Variants in DPYD observed in about 807,000 individuals in gnomAD.
DPYD encodes dihydropyrimidine dehydrogenase [NADP(+)].
Under a neutral mutation model 116.2 loss-of-function variants are expected in DPYD, and 109 were observed. That is an observed-to-expected ratio of 0.94 (90% confidence interval 0.80 to 1.10). DPYD has a LOEUF of 1.10. Among genes scored for constraint, DPYD ranks in the 50% least tolerant of loss-of-function variants. The pLI is 0.00. For missense variants in DPYD, 1,302 were observed against 1,254.5 expected (o/e 1.04, Z -0.57); for synonymous variants, 440 against 432.0 (o/e 1.02, Z -0.23).
At chr1:97,313,011 C>T (rs1017364424) in intron 16 of DPYD, among the ~76,000 whole-genome samples, 3 of 151,904 alleles carry the variant, frequency 2.0e-5, no homozygotes, top group African/African-American at 7.2e-5. Flanking sequence ...TGAGGCACTA[C>T]AAATTTTCCG....
In DPYD at chr1:97,401,812, A is replaced by T. The variant is rs1673394160; in HGVS notation, c.1906-19351T>A. 2.6e-5 allele frequency among the ~76,000 whole-genome samples: 4 copies of T among 152,232 alleles called. No individual in the cohort carries two copies. In the Middle Eastern group the frequency reaches 0.01, roughly 388 times the overall value. On this transcript the variant is annotated intron_variant, in intron 14 of 22. Coordinates refer to ENST00000370192, the MANE Select transcript of DPYD (RefSeq NM_000110.4). ...ATCCATTTAGAGTTAATTTTGGTGA[A>T]GGGTGTGTCTAGATTAATTTTTTGT...
intron 14 of DPYD, among the ~76,000 whole-genome samples, chr1:97,419,095 C>A (rs191170821): frequency 4.3e-4 from 65 of 152,232 alleles, no homozygotes; most frequent in Admixed American, 2.0e-3. Context: ...TCCTAGACAA[C>A]CCAATGGATA....
intron 2 of DPYD, among the ~76,000 whole-genome samples, chr1:97,881,061 A>C (rs1672192574): frequency 6.6e-6 from 1 of 151,990 alleles, no homozygotes; most frequent in Non-Finnish European, 1.5e-5. Flanking sequence ...TTAGAAAATA[A>C]ATTACTGGTG....
intron 16 of DPYD, among the ~76,000 whole-genome samples, chr1:97,326,973 A>G (rs1029133983): frequency 3.3e-5 from 5 of 152,084 alleles, no homozygotes; most frequent in African/African-American, 1.2e-4. Flanking sequence ...AAAGATAAAG[A>G]GATTATAAGA....
At chr1:97,283,707 C>T (rs1359085835) in intron 18 of DPYD, among the ~76,000 whole-genome samples, 2 of 152,228 alleles carry the variant, frequency 1.3e-5, no homozygotes, top group East Asian at 1.9e-4. Context: ...AAAGCTGCTT[C>T]TCTATGCTGA....
intron 18 of DPYD, among the ~76,000 whole-genome samples, chr1:97,286,752 C>A (rs925216811): frequency 6.6e-5 from 10 of 152,224 alleles, no homozygotes; most frequent in African/African-American, 1.7e-4. Flanking sequence ...AGTTCTCGAG[C>A]CTTGGCTCTC....
At chr1:97,498,986 T>C (rs1279409897) in intron 13 of DPYD, among the ~76,000 whole-genome samples, 1 of 151,668 alleles carries the variant, frequency 6.6e-6, no homozygotes, top group Non-Finnish European at 1.5e-5. Flanking sequence ...TAGATCTACT[T>C]GGTATTTCTT....
chr1:97,102,500 T>A (rs1376650816), intron 20 of DPYD, among the ~76,000 whole-genome samples: 2 of 27,890 alleles, frequency 7.2e-5, no homozygotes, highest in Non-Finnish European at 1.2e-4. Flanking sequence ...TCTATCTCCT[T>A]TATACCTATT....
intron 1 of DPYD, among the ~76,000 whole-genome samples, chr1:97,905,828 T>C (rs1244771789): frequency 6.6e-6 from 1 of 152,106 alleles, no homozygotes; most frequent in Non-Finnish European, 1.5e-5. Context: ...CTATGATTCC[T>C]AATTTTCATG....
chr1:97,173,525 C>T (rs1570602661), intron 20 of DPYD, among the ~76,000 whole-genome samples: 2 of 149,186 alleles, frequency 1.3e-5, no homozygotes, highest in South Asian at 2.1e-4. Context: ...AAGGTATATA[C>T]AATTATGTGA....
At chr1:97,166,537 A>G (rs1425291637) in intron 20 of DPYD, among the ~76,000 whole-genome samples, 2 of 152,176 alleles carry the variant, frequency 1.3e-5, no homozygotes, top group African/African-American at 4.8e-5. Flanking sequence ...CTATATGACA[A>G]ACCTGCACAT....
chr1:97,806,933 A>C (rs934619058), intron 3 of DPYD, among the ~76,000 whole-genome samples: 1 of 151,832 alleles, frequency 6.6e-6, no homozygotes, highest in Non-Finnish European at 1.5e-5. Flanking sequence ...TTTCAGATTG[A>C]TTTCTTTCAT....
chr1:97,345,631 A>T (rs1669803071), intron 16 of DPYD, among the ~76,000 whole-genome samples: 1 of 151,942 alleles, frequency 6.6e-6, no homozygotes, highest in South Asian at 2.1e-4. Context: ...CAGCAGGAAG[A>T]AAAGTGATGG....
intron 16 of DPYD, among the ~76,000 whole-genome samples, chr1:97,340,132 C>G (rs1037618701): frequency 1.7e-4 from 26 of 150,752 alleles, no homozygotes; most frequent in Admixed American, 1.6e-3. Context: ...ACAGTAAACA[C>G]AAAATATTAT....
rs564007452 is a variant in DPYD at position 97,266,702 on chromosome 1, CCA to C, written c.2300-31710_2300-31709del. ...CCTGCCCCCCACCTCATGACAGGCCCCAGTGTCTGATGTTCTCTGCCCTGTGT... is the reference window on the plus strand; with the variant it reads ...CCTGCCCCCCACCTCATGACAGGCCCGTGTCTGATGTTCTCTGCCCTGTGT... On this transcript the variant is annotated intron_variant, in intron 18 of 22. Transcript: ENST00000370192. Among the ~76,000 whole-genome samples the C allele has an allele frequency of 1.3e-3, 200 of 152,116 alleles. 1 individual carries two copies. The highest frequency in any genetic ancestry group is 4.7e-3 in the African/African-American group (195 of 41,496).
intron 3 of DPYD, among the ~76,000 whole-genome samples, chr1:97,783,370 A>T (rs1465703839): frequency 2.6e-5 from 4 of 151,918 alleles, no homozygotes; most frequent in Admixed American, 1.3e-4. Flanking sequence ...CAGCTTTGTT[A>T]TTTTATTTTA....
chr1:97,552,456 A>G (rs1651395034), intron 11 of DPYD, among the ~76,000 whole-genome samples: 1 of 152,068 alleles, frequency 6.6e-6, no homozygotes, highest in Admixed American at 6.6e-5. Flanking sequence ...TATGTTTCTT[A>G]AAATATTTAG....
intron 15 of DPYD, among the ~76,000 whole-genome samples, chr1:97,375,888 T>C (rs1327598910): frequency 6.6e-6 from 1 of 152,234 alleles, no homozygotes; most frequent in Non-Finnish European, 1.5e-5. Context: ...AGCAAATCAA[T>C]TCAACATCAT....
At chr1:97,375,644 C>G (rs1216620662) in intron 15 of DPYD, among the ~76,000 whole-genome samples, 3 of 152,086 alleles carry the variant, frequency 2.0e-5, no homozygotes, top group Middle Eastern at 3.2e-3. Context: ...ACGCCTGTAG[C>G]TAAGGAATTG....
Sources: gnomAD v4.1 joint callset for allele counts (sites outside exome capture counted in the v4.1 genomes callset) on GRCh38, gnomAD v4.1.1 for gene constraint, MANE v1.5 for transcripts, NCBI Gene and HGNC (gene_info 2026-07-23, HGNC 2026-07-21) for gene names.